The following SLC5A9 variants were observed in gnomAD, a reference collection of about 807,000 sequenced individuals.
SLC5A9 encodes solute carrier family 5 member 9.
A neutral mutation model predicts 70.9 loss-of-function variants in SLC5A9; 59 were observed. That is an observed-to-expected ratio of 0.83 (90% CI 0.68 to 1.03). The LOEUF is 1.03. Ranked by LOEUF, SLC5A9 falls within the 50% of genes least tolerant of loss-of-function variation. SLC5A9 has a pLI of 0.00. For synonymous variants in SLC5A9, 340 were observed against 346.5 expected (o/e 0.98, Z 0.21); for missense variants, 832 against 881.1 (o/e 0.94, Z 0.71).
Position 48,247,611 on chromosome 1 carries a change from C to A in SLC5A9, c.*68C>A. On this transcript the variant is annotated 3_prime_UTR_variant, in exon 14 of 14. Transcript: ENST00000438567. ...CAAGCCTGTCAGCCACAGAAACAGG[C>A]TCTCCTCTTACTTTGCTGTCTAAAC... The A allele has an allele frequency of 6.7e-7, 1 of 1,500,262 alleles. No homozygotes were observed. Among genetic ancestry groups the A allele is most frequent in the Non-Finnish European group, 9.3e-7 (1 of 1,077,368 alleles). 92.9% of individuals were successfully genotyped at this position (1,500,262 alleles called of 1,614,324 possible). A position where few individuals can be genotyped will look rare whatever the true frequency, so the allele number is the denominator to read the frequency against.
At chr1:48,222,945 C>T (rs1476180837) in intron 1 of SLC5A9, 47 bp downstream of exon 1, 2 of 1,600,928 alleles carry the variant, frequency 1.2e-6, no homozygotes, top group Non-Finnish European at 1.7e-6. Context: ...TAGTAGTGGT[C>T]TCTCAGCTTG....
intron 5 of SLC5A9, 100 bp from the exon 6 acceptor site, chr1:48,231,445 T>A (rs1405234982): frequency 1.4e-6 from 2 of 1,421,402 alleles, no homozygotes; most frequent in African/African-American, 1.4e-5. Flanking sequence ...GAGGGCTGTG[T>A]GTCTTCTCTG....
intron 6 of SLC5A9, 118 bp from the exon 7 acceptor site, chr1:48,231,825 CCTT>C: frequency 6.5e-7 from 1 of 1,539,580 alleles, no homozygotes; most frequent in Non-Finnish European, 8.8e-7. Flanking sequence ...CCATCTTCCT[CCTT>C]CACCCCCAAT....
chr1:48,239,367 C>A lies in SLC5A9; in HGVS notation c.1507C>A (p.Arg503Ser), dbSNP rs770302678. The A allele has an allele frequency of 1.2e-6, 2 of 1,613,894 alleles. No individual in the cohort carries two copies. Among genetic ancestry groups the A allele is most frequent in the Admixed American group, 3.3e-5 (2 of 59,992 alleles). Reference sequence around the variant, plus strand: ...GTTTGGCCTGGGAGTGGGGCTTCTGCGTATGATCCTGGAGTTCTCATACCC... The same window carrying A: ...GTTTGGCCTGGGAGTGGGGCTTCTGAGTATGATCCTGGAGTTCTCATACCC... ...LVFGLGVGLL[R>S]MILEFSYPAP... Residue 503 changes from arginine to serine, a missense_variant, in exon 12 of 14, where the codon CGT becomes AGT. Transcript: ENST00000438567. The surrounding 1 kb of genome is among the most constrained non-coding windows in gnomAD (Gnocchi z 4.2).
Position 48,224,726 on chromosome 1 carries a change from G to T in SLC5A9, c.165G>T (p.Ser55=), listed in dbSNP as rs759289764. The T allele has an allele frequency of 5.0e-6, 8 of 1,614,022 alleles. No individual in the cohort carries two copies. The South Asian group carries it at 8.8e-5, about 18-fold the overall frequency. ...CATCTCATCTATTTCCTTTCCAGTCGTCCATCCGTGCAAGTCGAGGGACCA... is the reference window on the plus strand; with the variant it reads ...CATCTCATCTATTTCCTTTCCAGTCTTCCATCCGTGCAAGTCGAGGGACCA... ...FVFVIAVGIW[S]SIRASRGTIG... Residue 55 remains serine (S), a splice_region_variant and synonymous_variant, in exon 2 of 14, where the codon TCG becomes TCT. Transcript: ENST00000438567.
At chr1:48,223,500 T>C (rs1160915495) in intron 1 of SLC5A9, among the ~76,000 whole-genome samples, 1 of 152,110 alleles carries the variant, frequency 6.6e-6, no homozygotes, top group Admixed American at 6.5e-5. Context: ...ATCAGCTTTC[T>C]CAGGTGAACA....
intron 2 of SLC5A9, among the ~76,000 whole-genome samples, chr1:48,226,667 CA>C (rs780832803): frequency 2.2e-4 from 33 of 152,334 alleles, no homozygotes; most frequent in Non-Finnish European, 3.5e-4. Flanking sequence ...AGGCTGAGAG[CA>C]GAAGGTGCAG....
chr1:48,248,108 A>G lies in SLC5A9; in HGVS notation c.*565A>G, dbSNP rs1470282873. The G allele has an allele frequency of 1.9e-5, 3 of 157,462 alleles. No homozygotes were observed. The highest frequency in any genetic ancestry group is 1.8e-4 in the Admixed American group (3 of 16,666). 9.8% of individuals were successfully genotyped at this position (157,462 alleles called of 1,614,324 possible). On this transcript the variant is annotated 3_prime_UTR_variant, in exon 14 of 14. Transcript: ENST00000438567. ...GGCTGTCAGACCCGAAGGGGTGGGG[A>G]GCCAAGGGTGGACTTTAAGCATGGT...
At position 48,239,880 on chromosome 1, in the gene SLC5A9, C is replaced by A. The variant is rs978544155; in HGVS notation, c.1677+343C>A. Among the ~76,000 whole-genome samples the A allele has an allele frequency of 2.6e-5, 4 of 152,110 alleles. No individual in the cohort carries two copies. Among genetic ancestry groups the A allele is most frequent in the African/African-American group, 9.7e-5 (4 of 41,390 alleles). On this transcript the variant is annotated intron_variant, in intron 12 of 13. Transcript: ENST00000438567. The surrounding 1 kb of genome is among the most constrained non-coding windows in gnomAD (Gnocchi z 4.2). ...GAAGGACCAAGCTCAACCAGAGGGG[C>A]CAAGAACAGAGGGAGAGGCAGTCAC...
At chr1:48,246,735 C>G (rs1261807788) in intron 13 of SLC5A9, among the ~76,000 whole-genome samples, 1 of 152,172 alleles carries the variant, frequency 6.6e-6, no homozygotes, top group Non-Finnish European at 1.5e-5. Flanking sequence ...TGTCCAATTT[C>G]CATCCTCATT....
intron 2 of SLC5A9, among the ~76,000 whole-genome samples, chr1:48,227,030 G>A (rs1162186094): frequency 1.3e-5 from 2 of 152,070 alleles, no homozygotes; most frequent in East Asian, 3.9e-4. Context: ...GTGTGCATGA[G>A]TGTGCTTGTG....
At chr1:48,244,826 A>ATATATAAATTATAT (rs1557486102) in intron 13 of SLC5A9, among the ~76,000 whole-genome samples, 4 of 63,788 alleles carry the variant, frequency 6.3e-5, no homozygotes, top group African/African-American at 2.3e-4. Flanking sequence ...TATTTATATT[A>ATATATAAATTATAT]TATATATAAA....
rs948427586 is a variant in SLC5A9, at chr1:48,224,662, G to A, written c.163-62G>A. ...CCGAGGGGAAGGAAATCTGCGGGGA[G>A]GGGGCAGGGCAGAGGTTCAGAGAGT... On this transcript the variant is annotated intron_variant, in intron 1 of 13. Transcript: ENST00000438567. The A allele has an allele frequency of 3.6e-5, 55 of 1,543,802 alleles. No homozygotes were observed. In the Admixed American group the frequency reaches 5.2e-4, roughly 15 times the overall value.
intron 1 of SLC5A9, among the ~76,000 whole-genome samples, chr1:48,224,054 CT>C (rs2148559560): frequency 6.6e-6 from 1 of 152,344 alleles, no homozygotes; most frequent in Non-Finnish European, 1.5e-5. Context: ...GAACTGTTGG[CT>C]TTTGCATCTG....
intron 2 of SLC5A9, among the ~76,000 whole-genome samples, chr1:48,226,739 C>T (rs760836322): frequency 6.6e-6 from 1 of 152,204 alleles, no homozygotes; most frequent in Non-Finnish European, 1.5e-5. Flanking sequence ...CCCTGCTGAT[C>T]TTGTTGATGT....
intron 4 of SLC5A9, among the ~76,000 whole-genome samples, chr1:48,229,863 G>T (rs565085479): frequency 6.6e-6 from 1 of 152,336 alleles, no homozygotes; most frequent in East Asian, 1.9e-4. Context: ...CAGAGGGCTA[G>T]CTCTAGAACT....
intron 13 of SLC5A9, among the ~76,000 whole-genome samples, chr1:48,245,644 T>C (rs1044752658): frequency 2.0e-5 from 3 of 152,146 alleles, no homozygotes; most frequent in African/African-American, 7.2e-5. Flanking sequence ...AGTATAATGT[T>C]GAGTCCTGAA....
In SLC5A9 at chr1:48,232,065, C is replaced by T. The variant is rs1406132527; in HGVS notation, c.811C>T (p.Arg271Trp). ...LPRPDAFHIL[R>W]DPVSGDIPWP... ...ACGGCCCGATGCTTTCCACATTCTT[C>T]GGGACCCTGTGAGCGGGGACATCCC... is the stretch of plus-strand genomic sequence containing the variant. The change falls in exon 7 of 14, where the codon CGG becomes TGG. Residue 271 changes from arginine to tryptophan, a missense_variant. Transcript: ENST00000438567. 2.5e-5 allele frequency: 40 copies of T among 1,614,040 alleles called. No homozygotes were observed. Among genetic ancestry groups the T allele is most frequent in the East Asian group, 4.5e-5 (2 of 44,878 alleles).
chr1:48,234,403 G>T (rs2148577524), intron 9 of SLC5A9, among the ~76,000 whole-genome samples: 1 of 152,308 alleles, frequency 6.6e-6, no homozygotes, highest in Non-Finnish European at 1.5e-5. Context: ...GACTGGATTT[G>T]TGTTTTAGCA....
Sources: gnomAD v4.1 joint callset for allele counts (sites outside exome capture counted in the v4.1 genomes callset) on GRCh38, gnomAD v4.1.1 for gene constraint, Gnocchi (gnomAD v3.1) non-coding constraint, MANE v1.5 for transcripts, NCBI Gene and HGNC (gene_info 2026-07-23, HGNC 2026-07-21) for gene names.